Variants in ATAD2B observed in about 807,000 individuals in gnomAD.
ATAD2B encodes ATPase family AAA domain-containing protein 2B.
In ATAD2B, 40 loss-of-function variants were observed where a neutral mutation model predicts 167.6. The observed-to-expected ratio is 0.24, with a 90% CI of 0.19 to 0.31. The LOEUF (loss-of-function observed/expected upper bound fraction) is 0.31, where lower values mean the gene tolerates loss of function less well. ATAD2B is among the 10% of genes least tolerant of loss of function. The pLI, the probability that ATAD2B is intolerant of heterozygous loss-of-function variation, is 1.00. For synonymous variants in ATAD2B, 579 were observed against 596.5 expected, an observed-to-expected ratio of 0.97 and a Z score of 0.43; for missense variants, 1,242 against 1,757.2, an observed-to-expected ratio of 0.71 and a Z score of 5.24.
At chr2:23,694,931 T>C in the ATAD2B span, among the ~76,000 whole-genome samples, 31 of 152,268 alleles carry the variant, frequency 2.0e-4, no homozygotes, top group African/African-American at 7.5e-4. Context: ...GGTCTGAAAC[T>C]GGGTCACAGT....
chr2:23,771,004 C>T (rs1394349751), intron 22 of ATAD2B, among the ~76,000 whole-genome samples: 1 of 152,128 alleles, frequency 6.6e-6, no homozygotes, highest in Non-Finnish European at 1.5e-5. Flanking sequence ...TCTTCTTTAT[C>T]TCACTAATAT....
the ATAD2B span, among the ~76,000 whole-genome samples, chr2:23,735,740 C>T: frequency 6.6e-6 from 1 of 152,112 alleles, no homozygotes; most frequent in Non-Finnish European, 1.5e-5. Context: ...CTATACAGAC[C>T]AATCATTTGT....
chr2:23,805,417 T>C (rs1004413888), intron 18 of ATAD2B, among the ~76,000 whole-genome samples: 8 of 152,240 alleles, frequency 5.3e-5, no homozygotes, highest in African/African-American at 1.7e-4. Context: ...ATCTCATTCA[T>C]GTTAATGGCT....
chr2:23,887,946 T>C lies in ATAD2B; in HGVS notation c.458A>G (p.Asp153Gly), dbSNP rs756338484. The C allele has an allele frequency of 5.0e-6, 8 of 1,607,834 alleles. No individual in the cohort carries two copies. Among genetic ancestry groups the C allele is most frequent in the Non-Finnish European group, 6.8e-6 (8 of 1,177,918 alleles). Residue 153 changes from aspartate to glycine, a missense_variant, in exon 4 of 28, where the codon GAT becomes GGT. This residue lies in a region of ATAD2B where 99 missense variants were observed against 160.4 expected (regional missense o/e 0.62). Coordinates refer to ENST00000238789, the MANE Select transcript of ATAD2B (RefSeq NM_017552.4). ...SHPLRGEKKG[D>G]GDLSCINGDM... ...ACCATTTATACAAGAAAGGTCCCCA[T>C]CTCCCTTCTTTTCCCCTCGAAGGGG...
rs1343610483 is a variant in ATAD2B, at chr2:23,879,847, G to A, written c.901+792C>T. ...AGGTGGGCCAATCACCTGAGGTCAG[G>A]AGTTCGAGACCAGCCTGGCCAGCAT... On this transcript the variant is annotated intron_variant, in intron 7 of 27. Coordinates refer to ENST00000238789, the MANE Select transcript of ATAD2B (RefSeq NM_017552.4). Among the ~76,000 whole-genome samples the A allele has an allele frequency of 4.5e-4, 68 of 151,936 alleles. 1 individual carries two copies. The highest frequency in any genetic ancestry group is 1.3e-4 in the Non-Finnish European group (9 of 68,012).
intron 19 of ATAD2B, among the ~76,000 whole-genome samples, chr2:23,796,686 G>A (rs1461529425): frequency 2.0e-5 from 3 of 152,104 alleles, no homozygotes; most frequent in Non-Finnish European, 4.4e-5. Flanking sequence ...TGGCTCCCAG[G>A]TTATATCCAG....
the ATAD2B span, among the ~76,000 whole-genome samples, chr2:23,695,182 G>T: frequency 1.3e-5 from 2 of 152,050 alleles, no homozygotes; most frequent in African/African-American, 2.4e-5. The surrounding 1 kb of genome is among the most constrained non-coding windows in gnomAD (Gnocchi z 7.6). Flanking sequence ...CTCAATAGTC[G>T]CCATCTCCTT....
chr2:23,742,117 T>C, the ATAD2B span, among the ~76,000 whole-genome samples: 1 of 152,172 alleles, frequency 6.6e-6, no homozygotes, highest in Admixed American at 6.5e-5. Context: ...GACTGTAAAC[T>C]AGTTCAACCA....
intron 22 of ATAD2B, among the ~76,000 whole-genome samples, chr2:23,768,582 A>G (rs1378653762): frequency 6.6e-6 from 1 of 152,022 alleles, no homozygotes; most frequent in African/African-American, 2.4e-5. Flanking sequence ...CAAAAAAAAA[A>G]AAAGACAATG....
At chr2:23,896,023 T>G in intron 1 of ATAD2B, 53 bp from the exon 2 acceptor site, 1 of 1,464,274 alleles carries the variant, frequency 6.8e-7, no homozygotes, top group Non-Finnish European at 9.3e-7. Context: ...ATAAATAGAA[T>G]TGTTAATACT....
intron 19 of ATAD2B, among the ~76,000 whole-genome samples, chr2:23,792,467 T>TAA (rs201253813): frequency 2.5e-5 from 3 of 120,960 alleles, no homozygotes; most frequent in Non-Finnish European, 3.5e-5. Flanking sequence ...ACTTAAGATC[T>TAA]AAAAAAAAAA....
the ATAD2B span, among the ~76,000 whole-genome samples, chr2:23,724,781 C>A: frequency 2.0e-5 from 3 of 152,036 alleles, no homozygotes; most frequent in African/African-American, 4.8e-5. Context: ...CGGTGGCTCA[C>A]GCCTGTAATC....
At chr2:23,883,673 C>T in intron 6 of ATAD2B, 1 of 1,129,234 alleles carries the variant, frequency 8.9e-7, no homozygotes, top group Non-Finnish European at 1.2e-6. Context: ...AAAGTACCTT[C>T]ATTAGAAATA....
chr2:23,819,505 A>AG (rs1401894281), intron 17 of ATAD2B, among the ~76,000 whole-genome samples: 3 of 151,908 alleles, frequency 2.0e-5, no homozygotes, highest in East Asian at 3.9e-4. Context: ...AAAAAAAAAA[A>AG]AAAGTAAAGT....
the ATAD2B span, among the ~76,000 whole-genome samples, chr2:23,737,542 TC>T: frequency 6.6e-6 from 1 of 151,962 alleles, no homozygotes; most frequent in East Asian, 1.9e-4. Context: ...CAAAAACCCA[TC>T]TGTACGTCAC....
chr2:23,760,517 G>A (rs1310852522), intron 24 of ATAD2B, among the ~76,000 whole-genome samples: 1 of 151,722 alleles, frequency 6.6e-6, no homozygotes, highest in East Asian at 1.9e-4. Flanking sequence ...AAAAAAATGA[G>A]CCAGGTGTGC....
intron 2 of ATAD2B, among the ~76,000 whole-genome samples, chr2:23,889,751 C>G (rs1699206957): frequency 6.6e-6 from 1 of 151,902 alleles, no homozygotes; most frequent in East Asian, 2.0e-4. Context: ...GAAACCCCGT[C>G]TCTACCAAAA....
chr2:23,881,515 C>G (rs1400137534), intron 6 of ATAD2B, among the ~76,000 whole-genome samples: 1 of 151,604 alleles, frequency 6.6e-6, no homozygotes, highest in Non-Finnish European at 1.5e-5. Context: ...GCACGTGCCA[C>G]CACGCCCGGC....
the ATAD2B span, chr2:23,708,139 T>G: frequency 6.6e-6 from 1 of 152,264 alleles, no homozygotes; most frequent in Non-Finnish European, 1.5e-5. Context: ...TCGTTCAGTA[T>G]TTGATGACAC....
Sources: allele counts gnomAD v4.1 joint callset (sites outside exome capture counted in the v4.1 genomes callset), GRCh38; gene constraint gnomAD v4.1.1; regional missense constraint gnomAD v4.1.1; non-coding constraint Gnocchi (gnomAD v3.1); transcripts MANE v1.5; gene names NCBI Gene and HGNC (gene_info 2026-07-23, HGNC 2026-07-21).